Variants in ABCA13 observed in about 807,000 individuals in gnomAD.
ABCA13 encodes ATP binding cassette subfamily A member 13.
Under a neutral mutation model 478.7 loss-of-function variants are expected in ABCA13, and 476 were observed. The ratio of observed to expected loss-of-function variants is 0.99; its 90% CI spans 0.92 to 1.07. The LOEUF (loss-of-function observed/expected upper bound fraction) is 1.07, where lower values mean the gene tolerates loss of function less well. Among genes scored for constraint, ABCA13 ranks in the 50% least tolerant of loss-of-function variants. The probability of loss-of-function intolerance (pLI) is 0.00; values close to 1 mark genes in which losing one functional copy is unlikely to be tolerated. For missense variants in ABCA13, 6,060 were observed against 5,910.6 expected (o/e 1.03, Z -0.83); for synonymous variants, 2,252 against 2,158.9 (o/e 1.04, Z -1.20).
chr7:48,508,427 A>T (rs1242509198), intron 50 of ABCA13, among the ~76,000 whole-genome samples: 1 of 152,090 alleles, frequency 6.6e-6, no homozygotes, highest in African/African-American at 2.4e-5. Context: ...CTCCTGTGAG[A>T]CCTGTGCCTC....
chr7:48,363,100 T>C (rs139822263), intron 31 of ABCA13, among the ~76,000 whole-genome samples: 16 of 152,286 alleles, frequency 1.1e-4, no homozygotes, highest in African/African-American at 3.8e-4. Flanking sequence ...TTCACTGTAA[T>C]TTACCAGTCA....
rs182866292 is a variant in ABCA13 at position 48,596,549 on chromosome 7, G to C, written c.14744+1736G>C. Among the ~76,000 whole-genome samples the C allele has an allele frequency of 7.0e-4, 106 of 152,270 alleles. 2 individuals carry two copies. Among genetic ancestry groups the C allele is most frequent in the African/African-American group, 2.5e-3 (104 of 41,566 alleles). ...TTTGAGGCTAGGTGCCGTGGCTCAT[G>C]CCTGTAATCCCAGCACGTTGGGAGG... is the stretch of plus-strand genomic sequence containing the variant. On this transcript the variant is annotated intron_variant, in intron 58 of 61. Coordinates refer to ENST00000435803, the MANE Select transcript of ABCA13 (RefSeq NM_152701.5).
intron 13 of ABCA13, among the ~76,000 whole-genome samples, chr7:48,247,350 G>A (rs113450806): frequency 0.014 from 2,178 of 152,106 alleles, 21 homozygotes; most frequent in Middle Eastern, 0.054. Flanking sequence ...GCTCTTTCCT[G>A]GCAGAAATCC....
At chr7:48,539,467 T>C (rs1400545884) in intron 55 of ABCA13, among the ~76,000 whole-genome samples, 1 of 152,158 alleles carries the variant, frequency 6.6e-6, no homozygotes, top group Non-Finnish European at 1.5e-5. Context: ...TTTATTTGGC[T>C]ACTCAGAGGT....
At chr7:48,372,081 G>T (rs994086998) in intron 32 of ABCA13, 87 bp from the exon 33 acceptor site, 2 of 1,319,474 alleles carry the variant, frequency 1.5e-6, no homozygotes, top group African/African-American at 3.0e-5. Context: ...CCTTTCCACT[G>T]GTCCACCTTC....
intron 48 of ABCA13, among the ~76,000 whole-genome samples, chr7:48,499,369 G>A (rs1022086703): frequency 2.8e-4 from 43 of 152,030 alleles, no homozygotes; most frequent in Admixed American, 1.6e-3. Flanking sequence ...TTTTCCTTTT[G>A]GTAGATGCTT....
intron 2 of ABCA13, among the ~76,000 whole-genome samples, chr7:48,195,001 G>A (rs1445383916): frequency 6.6e-6 from 1 of 152,212 alleles, no homozygotes; most frequent in African/African-American, 2.4e-5. Flanking sequence ...GCCATGATGG[G>A]ATTTTATACA....
chr7:48,496,836 G>T (rs906734974), intron 48 of ABCA13, among the ~76,000 whole-genome samples: 2 of 151,562 alleles, frequency 1.3e-5, no homozygotes, highest in Non-Finnish European at 2.9e-5. Context: ...TTCTCTCTTT[G>T]TGACGGCTTT....
chr7:48,555,214 T>G (rs577381367), intron 55 of ABCA13, among the ~76,000 whole-genome samples: 127 of 151,956 alleles, frequency 8.4e-4, no homozygotes, highest in African/African-American at 3.0e-3. Context: ...TCTTTTTAAT[T>G]CATTGTTGAA....
intron 59 of ABCA13, among the ~76,000 whole-genome samples, chr7:48,625,060 T>C (rs543981365): frequency 1.3e-5 from 2 of 152,254 alleles, no homozygotes; most frequent in Admixed American, 1.3e-4. Context: ...TAAGTTAAAA[T>C]ATAAAGAATA....
chr7:48,645,393 C>T (rs1172030595), intron 61 of ABCA13, 24 bp from the exon 62 acceptor site: 3 of 1,530,224 alleles, frequency 2.0e-6, no homozygotes, highest in Non-Finnish European at 2.7e-6. Context: ...TATAAGTAAA[C>T]AACATTTTTA....
chr7:48,317,384 C>T (rs1026470137), intron 27 of ABCA13, 88 bp downstream of exon 27: 22 of 1,391,440 alleles, frequency 1.6e-5, no homozygotes, highest in Middle Eastern at 2.5e-4. Flanking sequence ...AATTATTATG[C>T]GCCTTGGATT....
chr7:48,438,424 CA>C (rs1358425628), intron 42 of ABCA13, among the ~76,000 whole-genome samples: 6 of 152,038 alleles, frequency 3.9e-5, no homozygotes, highest in Admixed American at 6.6e-5. Flanking sequence ...TCCATAGGGA[CA>C]GGGGAGTTTG....
At chr7:48,362,826 T>TA (rs1424697507) in intron 31 of ABCA13, among the ~76,000 whole-genome samples, 1 of 152,114 alleles carries the variant, frequency 6.6e-6, no homozygotes, top group African/African-American at 2.4e-5. Flanking sequence ...TAATCTTACT[T>TA]AATGTTGCCT....
At chr7:48,260,754 T>G (rs965012090) in intron 15 of ABCA13, among the ~76,000 whole-genome samples, 2 of 151,994 alleles carry the variant, frequency 1.3e-5, no homozygotes, top group Non-Finnish European at 2.9e-5. Flanking sequence ...TGCTCTATGG[T>G]CTTCATGCTC....
At chr7:48,615,936 A>G (rs953276804) in intron 59 of ABCA13, among the ~76,000 whole-genome samples, 5 of 151,672 alleles carry the variant, frequency 3.3e-5, no homozygotes, top group African/African-American at 1.2e-4. Context: ...CTCTTCATGT[A>G]TTTTCTTTAT....
chr7:48,289,308 C>T (rs1279413130), intron 20 of ABCA13, among the ~76,000 whole-genome samples: 1 of 149,370 alleles, frequency 6.7e-6, no homozygotes, highest in Non-Finnish European at 1.5e-5. Context: ...TTGTGCAGAT[C>T]TTTGTCAGGT....
intron 3 of ABCA13, among the ~76,000 whole-genome samples, chr7:48,200,561 T>C (rs1798533296): frequency 6.6e-6 from 1 of 152,204 alleles, no homozygotes; most frequent in Admixed American, 6.5e-5. Flanking sequence ...GCAAAGCCTT[T>C]AACTTTGAGA....
intron 15 of ABCA13, among the ~76,000 whole-genome samples, chr7:48,265,063 T>TA (rs1794697365): frequency 6.6e-6 from 1 of 151,684 alleles, no homozygotes; most frequent in African/African-American, 2.4e-5. Flanking sequence ...TCCATTGACT[T>TA]ACATTTGTAT....
Sources: gnomAD v4.1 joint callset for allele counts (sites outside exome capture counted in the v4.1 genomes callset) on GRCh38, gnomAD v4.1.1 for gene constraint, MANE v1.5 for transcripts, NCBI Gene and HGNC (gene_info 2026-07-23, HGNC 2026-07-21) for gene names.